NT5DC1: variants seen among roughly 807,000 people sequenced by gnomAD.
The protein encoded by NT5DC1 is 5'-nucleotidase domain-containing protein 1.
In NT5DC1, 42 loss-of-function variants were observed where a neutral mutation model predicts 59.4. The observed-to-expected ratio is 0.71, with a 90% CI of 0.55 to 0.92. The LOEUF is 0.92. Among genes scored for constraint, NT5DC1 ranks in the 40% least tolerant of loss-of-function variants. The pLI, the probability that NT5DC1 is intolerant of heterozygous loss-of-function variation, is 0.00. For synonymous variants in NT5DC1, 172 were observed against 188.1 expected, an observed-to-expected ratio of 0.91 and a Z score of 0.70; for missense variants, 501 against 537.1, an observed-to-expected ratio of 0.93 and a Z score of 0.66.
intron 11 of NT5DC1, among the ~76,000 whole-genome samples, chr6:116,240,030 G>A (rs1184863060): frequency 2.6e-5 from 4 of 152,152 alleles, no homozygotes; most frequent in Admixed American, 2.6e-4. Context: ...AGACACAGAT[G>A]AAAAGTCAGT....
intron 6 of NT5DC1, among the ~76,000 whole-genome samples, chr6:116,130,054 G>T (rs959225362): frequency 6.6e-6 from 1 of 152,042 alleles, no homozygotes; most frequent in Non-Finnish European, 1.5e-5. Flanking sequence ...ATTGGTAATT[G>T]CCTACAGTCA....
intron 8 of NT5DC1, among the ~76,000 whole-genome samples, chr6:116,233,207 C>CTGG (rs1782051926): frequency 6.6e-6 from 1 of 152,132 alleles, no homozygotes; most frequent in African/African-American, 2.4e-5. Flanking sequence ...TTAATTAAAG[C>CTGG]TGGGACAGTG....
chr6:116,105,495 A>G (rs979860929), intron 1 of NT5DC1, among the ~76,000 whole-genome samples: 2 of 152,208 alleles, frequency 1.3e-5, no homozygotes, highest in African/African-American at 4.8e-5. Flanking sequence ...AACACTGGCC[A>G]AAGAACACTT....
chr6:116,177,557 A>G (rs1430012994), intron 6 of NT5DC1, among the ~76,000 whole-genome samples: 1 of 152,208 alleles, frequency 6.6e-6, no homozygotes, highest in Non-Finnish European at 1.5e-5. Flanking sequence ...AAATAAAATT[A>G]CATGATAAAA....
chr6:116,178,088 T>TGTGTGTGTGTGTGC (rs1491426656), intron 6 of NT5DC1, among the ~76,000 whole-genome samples: 15 of 99,664 alleles, frequency 1.5e-4, no homozygotes, highest in African/African-American at 6.0e-4. Flanking sequence ...TGTGTGTGTG[T>TGTGTGTGTGTGTGC]GCGCGCGCGC....
intron 4 of NT5DC1, among the ~76,000 whole-genome samples, chr6:116,114,172 T>C (rs1387254468): frequency 6.6e-6 from 1 of 152,116 alleles, no homozygotes; most frequent in Non-Finnish European, 1.5e-5. Flanking sequence ...ACAGGAAGAC[T>C]ATATCAACCA....
At chr6:116,199,421 A>G (rs1447386902) in intron 6 of NT5DC1, among the ~76,000 whole-genome samples, 1 of 152,120 alleles carries the variant, frequency 6.6e-6, no homozygotes, top group Admixed American at 6.6e-5. Context: ...GGCACTGAGC[A>G]AATCCTTTAA....
chr6:116,202,459 G>A (rs1441849720), intron 6 of NT5DC1, among the ~76,000 whole-genome samples: 1 of 151,924 alleles, frequency 6.6e-6, no homozygotes, highest in African/African-American at 2.4e-5. Flanking sequence ...GATCCCATAT[G>A]TTCTTGATTC....
At chr6:116,211,384 TA>T (rs1428210503) in intron 6 of NT5DC1, among the ~76,000 whole-genome samples, 1 of 152,034 alleles carries the variant, frequency 6.6e-6, no homozygotes, top group South Asian at 2.1e-4. Flanking sequence ...TGTGCAGCAA[TA>T]AAAAACCCAA....
At chr6:116,121,327 A>G in intron 6 of NT5DC1, 7 of 1,613,984 alleles carry the variant, frequency 4.3e-6, no homozygotes, top group Non-Finnish European at 5.1e-6. Context: ...CTGGCTTTCC[A>G]ATGCCTTCTG....
intron 6 of NT5DC1, among the ~76,000 whole-genome samples, chr6:116,138,592 G>A (rs1055696876): frequency 6.6e-6 from 1 of 151,818 alleles, no homozygotes; most frequent in South Asian, 2.1e-4. Context: ...TTTTTATTTC[G>A]AAGAAGTGTC....
chr6:116,116,543 G>A (rs1778968081), intron 5 of NT5DC1, among the ~76,000 whole-genome samples: 1 of 152,178 alleles, frequency 6.6e-6, no homozygotes, highest in Non-Finnish European at 1.5e-5. Context: ...TAGGGAGGCT[G>A]AGGCAGGAGA....
At chr6:116,146,636 G>C (rs1779904055) in intron 6 of NT5DC1, among the ~76,000 whole-genome samples, 1 of 152,154 alleles carries the variant, frequency 6.6e-6, no homozygotes, top group South Asian at 2.1e-4. Context: ...GTATCTTACA[G>C]TTTCCTATAG....
At position 116,110,896 on chromosome 6, in the gene NT5DC1, G is replaced by A. The variant is rs200437402; in HGVS notation, c.304G>A (p.Ala102Thr). Residue 102 changes from alanine to threonine, a missense_variant, in exon 4 of 12, where the codon GCA becomes ACA. Ala to Thr is a moderately conservative substitution (Grantham distance 58, BLOSUM62 0). Coordinates refer to ENST00000319550, the MANE Select transcript of NT5DC1 (RefSeq NM_152729.3). ...GATGACTCCAGAGGTGCTGGCAGAG[G>A]CATATGGCAAGAAAGAGTGGAAGCA... is the stretch of plus-strand genomic sequence containing the variant. Reference protein sequence around the residue: ...KMMTPEVLAEAYGKKEWKHFL... With the variant: ...KMMTPEVLAETYGKKEWKHFL... 1.2e-6 allele frequency: 2 copies of A among 1,614,154 alleles called. No individual in the cohort carries two copies. Among genetic ancestry groups the A allele is most frequent in the Admixed American group, 1.7e-5 (1 of 60,028 alleles).
chr6:116,203,914 A>G (rs1781394766), intron 6 of NT5DC1, among the ~76,000 whole-genome samples: 1 of 151,938 alleles, frequency 6.6e-6, no homozygotes, highest in Non-Finnish European at 1.5e-5. Context: ...TATAATTATT[A>G]TCATAATTTA....
In NT5DC1 at chr6:116,102,826, A is replaced by G. The variant is rs1413313582; in HGVS notation, c.93+1803A>G. Among the ~76,000 whole-genome samples, 5 of 152,346 alleles carry G rather than the reference A, an allele frequency of 3.3e-5. No individual in the cohort carries two copies. The East Asian group carries it at 9.6e-4, about 29-fold the overall frequency. The stretch of plus-strand genomic sequence containing the variant: ...AGGCAGCCTTACACAGTAGGCAAAA[A>G]TGCTGAAGAGTTAGTCTTGGTCCCT... On this transcript the variant is annotated intron_variant, in intron 1 of 11. Transcript: ENST00000319550.
intron 8 of NT5DC1, among the ~76,000 whole-genome samples, chr6:116,232,347 T>C (rs962014663): frequency 6.6e-6 from 1 of 152,188 alleles, no homozygotes; most frequent in Non-Finnish European, 1.5e-5. Flanking sequence ...ATGCTTTAAA[T>C]ATATTCCATT....
At chr6:116,216,634 A>G (rs1351678015) in intron 6 of NT5DC1, among the ~76,000 whole-genome samples, 2 of 151,920 alleles carry the variant, frequency 1.3e-5, no homozygotes, top group Admixed American at 6.6e-5. Flanking sequence ...TAGATATTCT[A>G]GATTTATTTA....
intron 6 of NT5DC1, among the ~76,000 whole-genome samples, chr6:116,208,841 G>A (rs1381207199): frequency 6.6e-6 from 1 of 151,932 alleles, no homozygotes; most frequent in Admixed American, 6.6e-5. Context: ...TTAAAGAGAT[G>A]GCAGAGTAAA....
Sources: allele counts gnomAD v4.1 joint callset (sites outside exome capture counted in the v4.1 genomes callset), GRCh38; gene constraint gnomAD v4.1.1; transcripts MANE v1.5; gene names NCBI Gene and HGNC (gene_info 2026-07-23, HGNC 2026-07-21).